Variants in DGKB observed in about 807,000 individuals in gnomAD.
DGKB encodes 90 kDa diacylglycerol kinase.
Under a neutral mutation model 114.3 loss-of-function variants are expected in DGKB, and 67 were observed. The ratio of observed to expected loss-of-function variants is 0.59; its 90% confidence interval spans 0.48 to 0.72. The LOEUF (loss-of-function observed/expected upper bound fraction) is 0.72. Ranked by LOEUF, DGKB falls within the 30% of genes least tolerant of loss-of-function variation. The pLI, the probability that DGKB is intolerant of heterozygous loss-of-function variation, is 0.00. For synonymous variants in DGKB, 398 were observed against 323.1 expected (o/e 1.23, Z -2.49); for missense variants, 907 against 975.2 (o/e 0.93, Z 0.93).
At chr7:14,600,284 C>T (rs1271617638) in intron 17 of DGKB, among the ~76,000 whole-genome samples, 1 of 152,176 alleles carries the variant, frequency 6.6e-6, no homozygotes, top group Non-Finnish European at 1.5e-5. Context: ...TAATCATTTG[C>T]TCATTGCTCC....
chr7:14,966,290 C>A (rs1288580635), intron 1 of DGKB, among the ~76,000 whole-genome samples: 1 of 151,948 alleles, frequency 6.6e-6, no homozygotes, highest in Non-Finnish European at 1.5e-5. Context: ...CCTCACATAG[C>A]ACAACATGAA....
At chr7:14,561,013 C>A (rs1796580435) in intron 20 of DGKB, among the ~76,000 whole-genome samples, 1 of 152,218 alleles carries the variant, frequency 6.6e-6, no homozygotes, top group South Asian at 2.1e-4. Flanking sequence ...AAAGTTTGTT[C>A]AATTTTCTAC....
At chr7:14,214,742 C>T (rs557840698) in intron 23 of DGKB, among the ~76,000 whole-genome samples, 1 of 152,114 alleles carries the variant, frequency 6.6e-6, no homozygotes, top group Non-Finnish European at 1.5e-5. Flanking sequence ...ATTTCACCCA[C>T]AAAATGTAGC....
intron 1 of DGKB, among the ~76,000 whole-genome samples, chr7:14,860,409 T>C (rs778461240): frequency 1.3e-5 from 2 of 152,048 alleles, no homozygotes; most frequent in African/African-American, 2.4e-5. Flanking sequence ...CCATTGTTTA[T>C]TTCTTTTGTA....
intron 2 of DGKB, among the ~76,000 whole-genome samples, chr7:14,808,975 C>G (rs539784438): frequency 2.0e-5 from 3 of 152,164 alleles, no homozygotes; most frequent in African/African-American, 7.2e-5. Context: ...CTTGGAGCTG[C>G]TTGAATTTTG....
intron 21 of DGKB, among the ~76,000 whole-genome samples, chr7:14,472,442 G>A (rs1220483990): frequency 3.3e-5 from 5 of 152,164 alleles, no homozygotes; most frequent in Non-Finnish European, 7.3e-5. Flanking sequence ...CCAGCCATGT[G>A]GAACTGTAAG....
At position 14,880,320 on chromosome 7, in the gene DGKB, T is replaced by C. The variant is rs576863061; in HGVS notation, c.-188+22272A>G. 2.7e-3 allele frequency among the ~76,000 whole-genome samples: 413 copies of C among 152,238 alleles called. 1 individual carries two copies. The highest frequency in any genetic ancestry group is 4.4e-3 in the Admixed American group (67 of 15,282). On this transcript the variant is annotated intron_variant, in intron 1 of 25. Transcript: ENST00000402815. Reference sequence around the variant, plus strand: ...TAAAAATACAAAAATTAGCCAGGTATGGTGGCATACACCTGTAGTCCCAGC... The same window carrying C: ...TAAAAATACAAAAATTAGCCAGGTACGGTGGCATACACCTGTAGTCCCAGC...
intron 23 of DGKB, chr7:14,209,448 C>A (rs1787391233): frequency 2.1e-6 from 1 of 472,912 alleles, no homozygotes; most frequent in South Asian, 1.5e-5. Flanking sequence ...AGCAACTACA[C>A]AAGGCTATTC....
chr7:14,485,125 C>G (rs563508272), intron 20 of DGKB, among the ~76,000 whole-genome samples: 1 of 149,876 alleles, frequency 6.7e-6, no homozygotes, highest in African/African-American at 2.5e-5. Context: ...CACACACACA[C>G]ACACACACAC....
intron 2 of DGKB, among the ~76,000 whole-genome samples, chr7:14,803,179 C>G (rs1450029164): frequency 6.6e-6 from 1 of 151,816 alleles, no homozygotes; most frequent in Non-Finnish European, 1.5e-5. Flanking sequence ...TGGCCTCAAG[C>G]GATCCTCCTG....
At chr7:14,559,620 T>C (rs1265879362) in intron 20 of DGKB, among the ~76,000 whole-genome samples, 1 of 152,240 alleles carries the variant, frequency 6.6e-6, no homozygotes, top group Non-Finnish European at 1.5e-5. Context: ...CTATTGTCAA[T>C]TGAATTTTTT....
At chr7:14,775,049 G>A (rs972215157) in intron 2 of DGKB, among the ~76,000 whole-genome samples, 1 of 152,076 alleles carries the variant, frequency 6.6e-6, no homozygotes, top group Admixed American at 6.6e-5. Flanking sequence ...ACCTGGAAAT[G>A]ACTACTATTA....
At chr7:14,786,495 G>C (rs1586500715) in intron 2 of DGKB, among the ~76,000 whole-genome samples, 1 of 152,232 alleles carries the variant, frequency 6.6e-6, no homozygotes, top group Non-Finnish European at 1.5e-5. Context: ...GGCATGGCCA[G>C]GGCTGTGTAT....
chr7:14,714,804 G>A (rs1445853419), intron 6 of DGKB, among the ~76,000 whole-genome samples: 1 of 152,140 alleles, frequency 6.6e-6, no homozygotes, highest in African/African-American at 2.4e-5. Flanking sequence ...GAAATTAAGT[G>A]TGAAAAACTA....
intron 2 of DGKB, among the ~76,000 whole-genome samples, chr7:14,839,422 T>C (rs1847609292): frequency 6.6e-6 from 1 of 150,786 alleles, no homozygotes; most frequent in South Asian, 2.1e-4. Flanking sequence ...TTTTTTTTTT[T>C]TTTTGACAGG....
intron 21 of DGKB, among the ~76,000 whole-genome samples, chr7:14,459,115 A>G (rs1431021239): frequency 6.6e-6 from 1 of 152,192 alleles, no homozygotes; most frequent in African/African-American, 2.4e-5. Flanking sequence ...AGCCCACCGC[A>G]GCTTGGCAAA....
chr7:14,309,612 A>T (rs1292172323), intron 23 of DGKB, among the ~76,000 whole-genome samples: 1 of 152,242 alleles, frequency 6.6e-6, no homozygotes, highest in Admixed American at 6.5e-5. Context: ...CTGGGCCTGC[A>T]GAAGTTGTTC....
chr7:14,657,726 G>A (rs1034369847), intron 13 of DGKB, among the ~76,000 whole-genome samples: 1 of 151,872 alleles, frequency 6.6e-6, no homozygotes, highest in Admixed American at 6.6e-5. Flanking sequence ...TGCATTTCTG[G>A]AAGTTTTATA....
intron 6 of DGKB, among the ~76,000 whole-genome samples, chr7:14,713,641 T>C (rs2128339066): frequency 6.6e-6 from 1 of 151,676 alleles, no homozygotes; most frequent in Admixed American, 6.6e-5. Flanking sequence ...GGTCTTTTTT[T>C]TTTTTTCATT....
Sources: allele counts gnomAD v4.1 joint callset (sites outside exome capture counted in the v4.1 genomes callset), GRCh38; gene constraint gnomAD v4.1.1; transcripts MANE v1.5; gene names NCBI Gene and HGNC (gene_info 2026-07-23, HGNC 2026-07-21).